SGK1: variants seen among roughly 807,000 people sequenced by gnomAD.
SGK1 encodes the protein serine/threonine-protein kinase Sgk1.
SGK1 carries 26 observed loss-of-function variants against 64.2 expected under a neutral mutation model. The observed-to-expected ratio is 0.40, with a 90% CI of 0.30 to 0.56. The LOEUF (loss-of-function observed/expected upper bound fraction) is 0.56. Ranked by LOEUF, SGK1 falls within the 20% of genes least tolerant of loss-of-function variation. The probability of loss-of-function intolerance (pLI) is 0.38; values close to 1 mark genes in which losing one functional copy is unlikely to be tolerated. For synonymous variants in SGK1, 265 were observed against 239.7 expected, an observed-to-expected ratio of 1.11 and a Z score of -0.98; for missense variants, 519 against 645.6, an observed-to-expected ratio of 0.80 and a Z score of 2.12.
At chr6:134,273,548 C>T (rs1582756670) in intron 1 of SGK1, among the ~76,000 whole-genome samples, 1 of 130,844 alleles carries the variant, frequency 7.6e-6, no homozygotes, top group Non-Finnish European at 1.6e-5. Context: ...AGCCGAGATC[C>T]CGCCACTGCA....
intron 2 of SGK1, among the ~76,000 whole-genome samples, chr6:134,237,319 C>T (rs915507245): frequency 6.6e-6 from 1 of 151,734 alleles, no homozygotes. Context: ...GGCCTCCCAA[C>T]GTGCTAAGAT....
At chr6:134,279,151 G>A (rs1416748636) in intron 1 of SGK1, among the ~76,000 whole-genome samples, 1 of 152,188 alleles carries the variant, frequency 6.6e-6, no homozygotes, top group East Asian at 1.9e-4. Flanking sequence ...AAGGTTACTG[G>A]CTGGGAGCAG....
intron 3 of SGK1, among the ~76,000 whole-genome samples, chr6:134,204,351 G>A (rs1297949496): frequency 6.6e-6 from 1 of 150,992 alleles, no homozygotes; most frequent in Non-Finnish European, 1.5e-5. Flanking sequence ...CTTGTAGGAG[G>A]GACACTCCAT....
intron 1 of SGK1, among the ~76,000 whole-genome samples, chr6:134,269,919 T>C (rs1408933460): frequency 1.4e-5 from 2 of 147,064 alleles, no homozygotes; most frequent in African/African-American, 4.9e-5. Context: ...CTGTCTTTTC[T>C]CTCTCTCTTT....
intron 3 of SGK1, chr6:134,175,034 G>T (rs1775180947): frequency 1.3e-6 from 1 of 781,310 alleles, no homozygotes; most frequent in Non-Finnish European, 1.8e-6. Flanking sequence ...TCCCCATTGA[G>T]AGGGCGAGCC....
intron 3 of SGK1, among the ~76,000 whole-genome samples, chr6:134,196,567 A>C (rs1254885983): frequency 6.6e-6 from 1 of 152,242 alleles, no homozygotes; most frequent in Non-Finnish European, 1.5e-5. Context: ...GCCTGACTCA[A>C]GAATTCACGA....
At position 134,172,708 on chromosome 6, in the gene SGK1, T is replaced by C; in HGVS notation, c.901A>G (p.Ile301Val). The C allele has an allele frequency of 6.2e-7, 1 of 1,614,142 alleles. No homozygotes were observed. Among genetic ancestry groups the C allele is most frequent in the Non-Finnish European group, 8.5e-7 (1 of 1,179,964 alleles). Reference sequence around the variant, plus strand: ...TGCAGGTAGCCCAAGGCACTGGCTATTTCAGCAGCATAGAAACGAGCCCGT... The same window carrying C: ...TGCAGGTAGCCCAAGGCACTGGCTACTTCAGCAGCATAGAAACGAGCCCGT... Reference protein sequence around the residue: ...EPRARFYAAEIASALGYLHSL... With the variant: ...EPRARFYAAEVASALGYLHSL... Residue 301 changes from isoleucine to valine, a missense_variant, in exon 9 of 14, where the codon ATA becomes GTA. Transcript: ENST00000367858.
intron 1 of SGK1, among the ~76,000 whole-genome samples, chr6:134,277,825 G>A (rs1357616573): frequency 6.6e-6 from 1 of 152,128 alleles, no homozygotes; most frequent in Non-Finnish European, 1.5e-5. Context: ...GTATAATATT[G>A]TTTTTTCTAT....
At chr6:134,175,503 A>G in intron 3 of SGK1, 1 of 1,429,690 alleles carries the variant, frequency 7.0e-7, no homozygotes, top group Non-Finnish European at 9.2e-7. Flanking sequence ...CGCTCTGGGG[A>G]AGTGAGCCAA....
intron 1 of SGK1, among the ~76,000 whole-genome samples, chr6:134,265,550 ATT>A (rs570631948): frequency 1.4e-3 from 207 of 147,050 alleles, no homozygotes; most frequent in African/African-American, 4.9e-3. Flanking sequence ...ACACATATAT[ATT>A]TTATATATAT....
Position 134,187,638 on chromosome 6 carries a change from A to G in SGK1, c.362-13052T>C, listed in dbSNP as rs113965428. Among the ~76,000 whole-genome samples, 7 of 152,352 alleles carry G rather than the reference A, an allele frequency of 4.6e-5. No homozygotes were observed. In the Middle Eastern group the frequency reaches 0.01, roughly 222 times the overall value. On this transcript the variant is annotated intron_variant, in intron 3 of 13. Coordinates refer to ENST00000367858, the MANE Select transcript of SGK1 (RefSeq NM_001143676.3). ...GATGATGGGAAACATGGTTAAGACC[A>G]GTGAATTCCAGGAGCATGGGCCCAT...
intron 3 of SGK1, 94 bp from the exon 4 acceptor site, chr6:134,174,680 T>C: frequency 6.2e-7 from 1 of 1,613,210 alleles, no homozygotes; most frequent in South Asian, 1.1e-5. Context: ...TTTCAAAAAA[T>C]TTCCACTTTG....
At chr6:134,174,855 G>C (rs767198607) in intron 3 of SGK1, 14 of 1,612,166 alleles carry the variant, frequency 8.7e-6, no homozygotes, top group African/African-American at 2.7e-5. Context: ...AGACCGGCTC[G>C]GCGTATGCTG....
Position 134,173,570 on chromosome 6 carries a change from G to GAAA in SGK1, c.514-7_514-5dup. The GAAA allele has an allele frequency of 3.2e-5, 40 of 1,258,028 alleles. No homozygotes were observed. Among genetic ancestry groups the GAAA allele is most frequent in the African/African-American group, 6.6e-5 (4 of 60,616 alleles). The allele number at this position is 1,258,028 out of a possible 1,614,324, so 77.9% of individuals were successfully genotyped here. ...TGATTTGCTGAGAAGGACTTGGCTAGAAAAAAAAAAAAAGAATTTCTTTTA... is the reference window on the plus strand; with the variant it reads ...TGATTTGCTGAGAAGGACTTGGCTAGAAAAAAAAAAAAAAAAGAATTTCTTTTA... On this transcript the variant is annotated splice_region_variant and splice_polypyrimidine_tract_variant and intron_variant, in intron 5 of 13. Transcript: ENST00000367858.
chr6:134,177,223 AAC>A lies in SGK1; in HGVS notation c.362-2639_362-2638del, dbSNP rs1775256080. On this transcript the variant is annotated intron_variant, in intron 3 of 13. Coordinates refer to ENST00000367858, the MANE Select transcript of SGK1 (RefSeq NM_001143676.3). ...GCGAGACTCCGTCTCAAAACAAACA[AAC>A]AAACAAAAACAAAACAAAAACAAAA... Among the ~76,000 whole-genome samples the A allele has an allele frequency of 4.6e-5, 5 of 109,684 alleles. 1 individual carries two copies. In the East Asian group the frequency reaches 6.1e-4, roughly 13 times the overall value. 72.0% of individuals were successfully genotyped at this position (109,684 alleles called of 152,430 possible). A position where few individuals can be genotyped will look rare whatever the true frequency, so the allele number is the denominator to read the frequency against.
At chr6:134,236,721 C>T (rs1459961925) in intron 2 of SGK1, among the ~76,000 whole-genome samples, 1 of 152,176 alleles carries the variant, frequency 6.6e-6, no homozygotes, top group East Asian at 1.9e-4. Context: ...GTCTTGCCAG[C>T]AATTCAAATG....
rs147267102 is a variant in SGK1, at chr6:134,295,121, G to GC, written c.69+22270dup. Among the ~76,000 whole-genome samples the GC allele has an allele frequency of 6.2e-3, 949 of 151,948 alleles. 13 individuals are homozygous for GC. The highest frequency in any genetic ancestry group is 0.021 in the African/African-American group (875 of 41,422). On this transcript the variant is annotated intron_variant, in intron 1 of 13. Coordinates refer to ENST00000367858, the MANE Select transcript of SGK1 (RefSeq NM_001143676.3). ...GAATTTCCTCCATTGACATTCTCCT[G>GC]CCCCCCAAGGGATGTCTGGATGCTG...
At chr6:134,304,139 T>C (rs1777499619) in intron 1 of SGK1, among the ~76,000 whole-genome samples, 1 of 152,150 alleles carries the variant, frequency 6.6e-6, no homozygotes, top group Admixed American at 6.5e-5. Flanking sequence ...AACAAGAAGC[T>C]TTCTCGGACT....
intron 3 of SGK1, among the ~76,000 whole-genome samples, chr6:134,191,858 CAG>C: frequency 1.3e-4 from 1 of 7,632 alleles, no homozygotes; most frequent in African/African-American, 3.4e-4. Context: ...TTTTTTGAGA[CAG>C]AGTCTCGCTC....
Sources: allele counts gnomAD v4.1 joint callset (sites outside exome capture counted in the v4.1 genomes callset), GRCh38; gene constraint gnomAD v4.1.1; transcripts MANE v1.5; gene names NCBI Gene and HGNC (gene_info 2026-07-23, HGNC 2026-07-21).